The following FILIP1L variants were observed in gnomAD, a reference collection of about 807,000 sequenced individuals.
FILIP1L encodes the protein filamin A-interacting protein 1-like.
FILIP1L carries 55 observed loss-of-function variants against 96.6 expected under a neutral mutation model. The observed-to-expected ratio is 0.57, with a 90% CI of 0.46 to 0.71. The LOEUF (loss-of-function observed/expected upper bound fraction) is 0.71. FILIP1L is among the 30% of genes least tolerant of loss of function. The pLI, the probability that FILIP1L is intolerant of heterozygous loss-of-function variation, is 0.00. For missense variants in FILIP1L, 1,304 were observed against 1,321.2 expected (o/e 0.99, Z 0.20); for synonymous variants, 467 against 473.9 (o/e 0.99, Z 0.19).
In FILIP1L at chr3:99,839,907, T is replaced by C. The variant is rs78315122; in HGVS notation, c.3381+8388A>G. On this transcript the variant is annotated intron_variant, in intron 5 of 5. Coordinates refer to ENST00000477258, the MANE Select transcript of FILIP1L (RefSeq NM_001387850.1). ...AGTTGTCAGATTTTTCCCACAGTGTTATATAAGAGTGGAACTCTTATAGAG... is the reference window on the plus strand; with the variant it reads ...AGTTGTCAGATTTTTCCCACAGTGTCATATAAGAGTGGAACTCTTATAGAG... 7.7e-4 allele frequency among the ~76,000 whole-genome samples: 118 copies of C among 152,322 alleles called. 3 individuals carry two copies. In the East Asian group the frequency reaches 0.022, roughly 29 times the overall value.
At chr3:99,983,446 GTATATATATATATGTGTGTATATA>G (rs1709210015) in intron 1 of FILIP1L, among the ~76,000 whole-genome samples, 2 of 87,810 alleles carry the variant, frequency 2.3e-5, no homozygotes, top group African/African-American at 1.1e-4. Context: ...ATATATGTAT[GTATATATATATATGTGTGTATATA>G]TATATATATA....
At chr3:99,920,164 G>A (rs1488640871) in intron 4 of FILIP1L, among the ~76,000 whole-genome samples, 3 of 152,098 alleles carry the variant, frequency 2.0e-5, no homozygotes, top group African/African-American at 7.2e-5. Context: ...TTTAGTTGTT[G>A]TTTCAAGACC....
At chr3:99,914,780 G>A (rs55881709) in intron 4 of FILIP1L, among the ~76,000 whole-genome samples, 7,096 of 152,274 alleles carry the variant, frequency 0.047, 254 homozygotes, top group South Asian at 0.076. Context: ...TCAGGATAGA[G>A]TTCTTTATAC....
chr3:99,923,713 G>A (rs1020498182), intron 4 of FILIP1L, among the ~76,000 whole-genome samples: 11 of 152,148 alleles, frequency 7.2e-5, no homozygotes, highest in Non-Finnish European at 8.8e-5. Flanking sequence ...CTTTAGGAAA[G>A]CATAACTGAT....
At chr3:99,930,673 G>T in intron 2 of FILIP1L, 96 bp downstream of exon 2, 1 of 1,333,572 alleles carries the variant, frequency 7.5e-7, no homozygotes, top group Non-Finnish European at 1.1e-6. Context: ...ACACATGTAT[G>T]AACCACAGAT....
At chr3:100,110,779 T>A (rs1002585661) in intron 1 of FILIP1L, among the ~76,000 whole-genome samples, 1 of 152,150 alleles carries the variant, frequency 6.6e-6, no homozygotes. Flanking sequence ...CTCTTACCCA[T>A]GATAAACTGC....
At chr3:99,834,303 A>G (rs1027921426) in intron 5 of FILIP1L, among the ~76,000 whole-genome samples, 2 of 152,318 alleles carry the variant, frequency 1.3e-5, no homozygotes, top group Admixed American at 1.3e-4. Context: ...ATAGTGTTCT[A>G]CTTCTATGGC....
At chr3:99,960,357 G>A (rs1708455392) in intron 1 of FILIP1L, among the ~76,000 whole-genome samples, 1 of 152,112 alleles carries the variant, frequency 6.6e-6, no homozygotes, top group South Asian at 2.1e-4. Context: ...GGCAGAACCT[G>A]GATGTCAGAT....
chr3:99,829,247 T>G lies in FILIP1L; in HGVS notation c.*1167A>C, dbSNP rs188701201. On this transcript the variant is annotated 3_prime_UTR_variant, in exon 6 of 6. Transcript: ENST00000477258. Reference sequence around the variant, plus strand: ...CCATTGATTTTTTTCCCCCCTCGATTGAAGCTTTTTGAAATGTTTTTTGAA... The same window carrying G: ...CCATTGATTTTTTTCCCCCCTCGATGGAAGCTTTTTGAAATGTTTTTTGAA... 1.3e-5 allele frequency among the ~76,000 whole-genome samples: 2 copies of G among 152,178 alleles called. No individual in the cohort carries two copies. The highest frequency in any genetic ancestry group is 1.9e-4 in the East Asian group (1 of 5,168).
At chr3:99,959,672 T>C (rs1292728279) in intron 1 of FILIP1L, among the ~76,000 whole-genome samples, 1 of 152,198 alleles carries the variant, frequency 6.6e-6, no homozygotes, top group African/African-American at 2.4e-5. Flanking sequence ...CAAAATTAGT[T>C]GTAATAAAGA....
intron 1 of FILIP1L, among the ~76,000 whole-genome samples, chr3:100,016,473 C>T (rs1576643541): frequency 6.6e-6 from 1 of 152,166 alleles, no homozygotes; most frequent in African/African-American, 2.4e-5. Flanking sequence ...GTGTGAGCTA[C>T]TACACCCAGC....
At chr3:99,989,952 A>C (rs1490518473) in intron 1 of FILIP1L, among the ~76,000 whole-genome samples, 1 of 152,116 alleles carries the variant, frequency 6.6e-6, no homozygotes, top group African/African-American at 2.4e-5. Flanking sequence ...TAAGAGTGCA[A>C]GAGAGAGTTA....
chr3:100,063,882 G>A (rs900329281), intron 1 of FILIP1L, among the ~76,000 whole-genome samples: 4 of 152,172 alleles, frequency 2.6e-5, no homozygotes, highest in Admixed American at 6.5e-5. Flanking sequence ...TTGAAGTATA[G>A]AGAAAAACCT....
At chr3:99,867,143 C>G (rs1472164441) in intron 4 of FILIP1L, among the ~76,000 whole-genome samples, 1 of 152,148 alleles carries the variant, frequency 6.6e-6, no homozygotes, top group African/African-American at 2.4e-5. Flanking sequence ...CAAAATATGA[C>G]AGTGGTCAAC....
intron 5 of FILIP1L, among the ~76,000 whole-genome samples, chr3:99,842,865 G>C (rs1316511282): frequency 1.3e-5 from 2 of 152,126 alleles, no homozygotes; most frequent in Non-Finnish European, 1.5e-5. Flanking sequence ...AAATTATGAA[G>C]TACTTAGAGG....
intron 1 of FILIP1L, among the ~76,000 whole-genome samples, chr3:100,051,010 G>A (rs1354796752): frequency 6.6e-6 from 1 of 152,042 alleles, no homozygotes; most frequent in African/African-American, 2.4e-5. Flanking sequence ...GTTTCTTCTT[G>A]CAAACAATCT....
chr3:100,084,133 A>G lies in FILIP1L; in HGVS notation c.-11+29920T>C, dbSNP rs367995228. ...AGCCTCGGGCCATGAGACCCATGTC[A>G]TTTGCTGCATGTCTAGACTTCTAGA... On this transcript the variant is annotated intron_variant, in intron 1 of 5. Transcript: ENST00000477258. Among the ~76,000 whole-genome samples the G allele has an allele frequency of 4.6e-5, 7 of 152,274 alleles. No individual in the cohort carries two copies. The East Asian group carries it at 7.7e-4, about 17-fold the overall frequency.
chr3:99,995,920 G>C (rs1329749538), intron 1 of FILIP1L, among the ~76,000 whole-genome samples: 1 of 152,212 alleles, frequency 6.6e-6, no homozygotes, highest in East Asian at 1.9e-4. Context: ...CTGGGCTGAT[G>C]ACTGGAGGGG....
At chr3:99,874,662 A>G (rs1275306389) in intron 4 of FILIP1L, among the ~76,000 whole-genome samples, 1 of 152,250 alleles carries the variant, frequency 6.6e-6, no homozygotes, top group African/African-American at 2.4e-5. Context: ...TGAGGCAAAA[A>G]TGATAGGCAC....
Sources: gnomAD v4.1 joint callset for allele counts (sites outside exome capture counted in the v4.1 genomes callset) on GRCh38, gnomAD v4.1.1 for gene constraint, MANE v1.5 for transcripts, NCBI Gene and HGNC (gene_info 2026-07-23, HGNC 2026-07-21) for gene names.